TNRC18: variants seen among roughly 807,000 people sequenced by gnomAD.
TNRC18 encodes the protein trinucleotide repeat-containing gene 18 protein.
A neutral mutation model predicts 226.7 loss-of-function variants in TNRC18; 69 were observed. The ratio of observed to expected loss-of-function variants is 0.30; its 90% CI spans 0.25 to 0.37. The LOEUF (loss-of-function observed/expected upper bound fraction) is 0.37. Ranked by LOEUF, TNRC18 falls within the 10% of genes least tolerant of loss-of-function variation. The pLI, the probability that TNRC18 is intolerant of heterozygous loss-of-function variation, is 1.00. For synonymous variants in TNRC18, 2,449 were observed against 1,927.6 expected, an observed-to-expected ratio of 1.27 and a Z score of -7.09; for missense variants, 4,754 against 4,256.6, an observed-to-expected ratio of 1.12 and a Z score of -3.25.
intron 17 of TNRC18, among the ~76,000 whole-genome samples, chr7:5,349,597 C>T (rs1791571273): frequency 6.6e-6 from 1 of 152,188 alleles, no homozygotes; most frequent in Admixed American, 6.5e-5. Context: ...GTTTTGCCTA[C>T]CTACGGAGCA....
intron 18 of TNRC18, among the ~76,000 whole-genome samples, chr7:5,338,350 C>T (rs1023592231): frequency 3.9e-5 from 6 of 152,102 alleles, no homozygotes; most frequent in Non-Finnish European, 7.3e-5. Context: ...AGGTATACCA[C>T]GCCAATTGTA....
rs1367665721 is a variant in TNRC18, at chr7:5,313,029, G to A, written c.7862C>T (p.Ser2621Phe). ...TGAGGAGGAGGAGGAGGAGGAGGAG[G>A]AGGATGAGGAGGAGGAGGAGGAGGC... ...SPASSSSSSS[S>F]SSSSSSSSSS... The change falls in exon 27 of 30, where the codon TCC becomes TTC. Residue 2621 changes from serine (S) to phenylalanine (F), a missense_variant. By Grantham distance (155) the Ser-to-Phe change is radical. Transcript: ENST00000430969. The A allele has an allele frequency of 1.1e-6, 1 of 899,310 alleles. No individual in the cohort carries two copies. Among genetic ancestry groups the A allele is most frequent in the Non-Finnish European group, 1.7e-6 (1 of 575,118 alleles). The allele number at this position is 899,310 out of a possible 1,614,324, so 55.7% of individuals were successfully genotyped here.
Position 5,377,222 on chromosome 7 carries a change from T to G in TNRC18, c.2461+149A>C, listed in dbSNP as rs1779044908. 5 of 1,085,348 alleles carry G rather than the reference T, an allele frequency of 4.6e-6. No homozygotes were observed. The East Asian group carries it at 1.0e-4, about 23-fold the overall frequency. The allele number at this position is 1,085,348 out of a possible 1,614,324, so 67.2% of individuals were successfully genotyped here. On this transcript the variant is annotated intron_variant, in intron 7 of 29. Transcript: ENST00000430969. This position sits in a 1 kb window ranked among gnomAD's most constrained non-coding sequence, Gnocchi z 5.8. ...GAGGGGCCCCACGAGGCAGAGGCCATTATCATTCCTTCTTCCGACGAATGC... is the reference window on the plus strand; with the variant it reads ...GAGGGGCCCCACGAGGCAGAGGCCAGTATCATTCCTTCTTCCGACGAATGC...
intron 11 of TNRC18, among the ~76,000 whole-genome samples, chr7:5,366,036 A>G (rs1402751212): frequency 6.6e-6 from 1 of 152,098 alleles, no homozygotes; most frequent in Non-Finnish European, 1.5e-5. Flanking sequence ...CATATTCTCT[A>G]TTGGCAGTGT....
At chr7:5,347,183 A>T (rs1791283478) in intron 17 of TNRC18, among the ~76,000 whole-genome samples, 1 of 143,616 alleles carries the variant, frequency 7.0e-6, no homozygotes, top group Admixed American at 6.8e-5. Flanking sequence ...CTCTACAAAA[A>T]AAAAAATTTT....
In TNRC18 at chr7:5,357,017, C is replaced by A; in HGVS notation, c.5093G>T (p.Arg1698Met). The change falls in exon 16 of 30, where the codon AGG (arginine) becomes ATG (methionine). Residue 1698 changes from arginine to methionine, a missense_variant. Physicochemically the swap from Arg to Met is moderately conservative, Grantham distance 91. Transcript: ENST00000430969. ...CTCCATCTTCCTGGTTTTGGCTGCC[C>A]TTTTGTGTTTACCTTCTCTGGAGGA... ...LKSSREGKHK[R>M]AAKTRKMEVG... 1 of 1,552,322 alleles carries A rather than the reference C, an allele frequency of 6.4e-7. No individual in the cohort carries two copies. Among genetic ancestry groups the A allele is most frequent in the South Asian group, 1.2e-5 (1 of 84,062 alleles).
intron 26 of TNRC18, among the ~76,000 whole-genome samples, chr7:5,314,561 TTC>T (rs1486338599): frequency 4.1e-5 from 5 of 121,864 alleles, no homozygotes; most frequent in Admixed American, 1.0e-4. Flanking sequence ...CAGAGTTCTC[TTC>T]TTTTTTTTTT....
Position 5,377,326 on chromosome 7 carries a change from A to AC in TNRC18, c.2461+44dup. 1.8e-6 allele frequency: 1 copy of AC among 560,796 alleles called. No individual in the cohort carries two copies. Among genetic ancestry groups the AC allele is most frequent in the Non-Finnish European group, 3.0e-6 (1 of 334,284 alleles). The allele number at this position is 560,796 out of a possible 1,614,324, so 34.7% of individuals were successfully genotyped here. On this transcript the variant is annotated intron_variant, in intron 7 of 29. Coordinates refer to ENST00000430969, the MANE Select transcript of TNRC18 (RefSeq NM_001080495.3). This position sits in a 1 kb window ranked among gnomAD's most constrained non-coding sequence, Gnocchi z 5.8. ...TCTTGTCCTGCACCCGCCCCCTCCC[A>AC]CCCCTCCCTCAGAGAAGGGGAGAGA...
At position 5,394,644 on chromosome 7, in the gene TNRC18, C is replaced by G. The variant is rs1325203477; in HGVS notation, c.188-49G>C. On this transcript the variant is annotated intron_variant, in intron 2 of 29. Coordinates refer to ENST00000430969, the MANE Select transcript of TNRC18 (RefSeq NM_001080495.3). This position sits in a 1 kb window ranked among gnomAD's most constrained non-coding sequence, Gnocchi z 4.5. ...CGTCAGGCAGACAACCAGGGAGGCG[C>G]CGCCGCCCCAGCCCACCGCCCCGAC... 8 of 1,452,102 alleles carry G rather than the reference C, an allele frequency of 5.5e-6. No homozygotes were observed. Among genetic ancestry groups the G allele is most frequent in the Non-Finnish European group, 6.5e-6 (7 of 1,074,344 alleles). 90.0% of individuals were successfully genotyped at this position (1,452,102 alleles called of 1,614,324 possible). A position where few individuals can be genotyped will look rare whatever the true frequency, so the allele number is the denominator to read the frequency against.
At position 5,315,233 on chromosome 7, in the gene TNRC18, G is replaced by C. The variant is rs1787732335; in HGVS notation, c.6863-85C>G. On this transcript the variant is annotated intron_variant, in intron 25 of 29. Transcript: ENST00000430969. ...AGACCCTGGTCTGTCCCGGGGATCA[G>C]GGATGGGGGCGGAAGCAACCGACAC... 4 of 1,441,678 alleles carry C rather than the reference G, an allele frequency of 2.8e-6. No homozygotes were observed. The African/African-American group carries it at 4.3e-5, about 15-fold the overall frequency. The allele number at this position is 1,441,678 out of a possible 1,614,324, so 89.3% of individuals were successfully genotyped here. A position where few individuals can be genotyped will look rare whatever the true frequency, so the allele number is the denominator to read the frequency against.
chr7:5,316,669 C>T (rs1269715616), intron 24 of TNRC18, among the ~76,000 whole-genome samples: 1 of 152,126 alleles, frequency 6.6e-6, no homozygotes, highest in Non-Finnish European at 1.5e-5. Flanking sequence ...CTCCTGCAAC[C>T]ACAGCAAAGG....
chr7:5,312,773 C>T lies in TNRC18; in HGVS notation c.8118G>A (p.Gln2706=), dbSNP rs776455304. 6 of 1,533,524 alleles carry T rather than the reference C, an allele frequency of 3.9e-6. No individual in the cohort carries two copies. The highest frequency in any genetic ancestry group is 2.1e-5 in the Admixed American group (1 of 47,238). The allele number at this position is 1,533,524 out of a possible 1,614,324, so 95.0% of individuals were successfully genotyped here. ...GGGCCGAGGGCCGCGCCTTGCCGGC[C>T]TGCTTGGTGGCCTTGGTGGGGAGCG... is the stretch of plus-strand genomic sequence containing the variant. The part of the protein sequence containing the change: ...QAALPTKATK[Q]AGKARPSAHS... The change falls in exon 27 of 30, where the codon CAG becomes CAA. Residue 2706 remains glutamine (Q), a synonymous_variant. Coordinates refer to ENST00000430969, the MANE Select transcript of TNRC18 (RefSeq NM_001080495.3). The surrounding 1 kb of genome is among the most constrained non-coding windows in gnomAD (Gnocchi z 6.3).
chr7:5,394,646 G>A lies in TNRC18; in HGVS notation c.188-51C>T, dbSNP rs540109564. ...TCAGGCAGACAACCAGGGAGGCGCC[G>A]CCGCCCCAGCCCACCGCCCCGACCC... On this transcript the variant is annotated intron_variant, in intron 2 of 29. Transcript: ENST00000430969. This position sits in a 1 kb window ranked among gnomAD's most constrained non-coding sequence, Gnocchi z 4.5. The A allele has an allele frequency of 1.2e-3, 1,712 of 1,431,430 alleles. 16 individuals are homozygous for A. The highest frequency in any genetic ancestry group is 7.9e-3 in the South Asian group (631 of 79,392). 88.7% of individuals were successfully genotyped at this position (1,431,430 alleles called of 1,614,324 possible). A position where few individuals can be genotyped will look rare whatever the true frequency, so the allele number is the denominator to read the frequency against.
chr7:5,353,788 C>T (rs1274598828), intron 16 of TNRC18, among the ~76,000 whole-genome samples: 2 of 152,242 alleles, frequency 1.3e-5, no homozygotes, highest in East Asian at 3.9e-4. Flanking sequence ...CAGGTGAATC[C>T]CACAGCCACC....
rs561594758 is a variant in TNRC18 at position 5,308,057 on chromosome 7, G to T, written c.*49C>A. 6.6e-7 allele frequency: 1 copy of T among 1,506,084 alleles called. No homozygotes were observed. Among genetic ancestry groups the T allele is most frequent in the Non-Finnish European group, 9.0e-7 (1 of 1,113,320 alleles). 93.3% of individuals were successfully genotyped at this position (1,506,084 alleles called of 1,614,324 possible). On this transcript the variant is annotated 3_prime_UTR_variant, in exon 30 of 30. Coordinates refer to ENST00000430969, the MANE Select transcript of TNRC18 (RefSeq NM_001080495.3). ...CCGCGCCATGGCAGTGATGGAGATG[G>T]GTCCCTGGCCGCCCTCGGGGCACAG...
intron 2 of TNRC18, among the ~76,000 whole-genome samples, chr7:5,405,394 C>A (rs1007119111): frequency 6.6e-5 from 10 of 152,088 alleles, no homozygotes; most frequent in African/African-American, 2.4e-4. Flanking sequence ...CATGGTAAAA[C>A]CCTGTCTCTA....
chr7:5,382,224 G>A (rs1206185795), intron 5 of TNRC18, among the ~76,000 whole-genome samples: 2 of 152,172 alleles, frequency 1.3e-5, no homozygotes, highest in East Asian at 3.9e-4. Context: ...CAGCGTCCAA[G>A]TCGGCCCTGC....
intron 2 of TNRC18, among the ~76,000 whole-genome samples, chr7:5,401,259 G>T (rs1781069022): frequency 6.6e-6 from 1 of 152,000 alleles, no homozygotes; most frequent in East Asian, 1.9e-4. Flanking sequence ...ATGTGATCAT[G>T]ATAGGGATAT....
intron 2 of TNRC18, among the ~76,000 whole-genome samples, chr7:5,397,252 G>A (rs1019392178): frequency 1.2e-4 from 19 of 152,206 alleles, no homozygotes; most frequent in African/African-American, 4.3e-4. Flanking sequence ...TGTGGCAGGC[G>A]GGTGGGTAGA....
Sources: allele counts gnomAD v4.1 joint callset (sites outside exome capture counted in the v4.1 genomes callset), GRCh38; gene constraint gnomAD v4.1.1; non-coding constraint Gnocchi (gnomAD v3.1); transcripts MANE v1.5; gene names NCBI Gene and HGNC (gene_info 2026-07-23, HGNC 2026-07-21).